Variants in CSMD3 observed in about 807,000 individuals in gnomAD.
The protein encoded by CSMD3 is CUB and Sushi multiple domains 3.
CSMD3 carries 177 observed loss-of-function variants against 435.2 expected under a neutral mutation model. That is an observed-to-expected ratio of 0.41 (90% confidence interval 0.36 to 0.46). The LOEUF is 0.46. Ranked by LOEUF, CSMD3 falls within the 20% of genes least tolerant of loss-of-function variation. The probability of loss-of-function intolerance (pLI) is 0.34; values close to 1 mark genes in which losing one functional copy is unlikely to be tolerated. For missense variants in CSMD3, 4,265 were observed against 4,504.6 expected (o/e 0.95, Z 1.52); for synonymous variants, 1,656 against 1,520.5 (o/e 1.09, Z -2.07).
intron 32 of CSMD3, among the ~76,000 whole-genome samples, chr8:112,442,418 T>C (rs1297644394): frequency 6.6e-6 from 1 of 152,184 alleles, no homozygotes; most frequent in East Asian, 1.9e-4. Flanking sequence ...AGCCTTGCAA[T>C]ATTGAATTTA....
intron 8 of CSMD3, among the ~76,000 whole-genome samples, chr8:112,949,612 A>C (rs866493695): frequency 6.6e-6 from 1 of 152,048 alleles, no homozygotes; most frequent in Non-Finnish European, 1.5e-5. Flanking sequence ...ATTGTCATCT[A>C]ATCTATCTAC....
chr8:112,706,599 T>C (rs972332879), intron 13 of CSMD3, among the ~76,000 whole-genome samples: 11 of 151,990 alleles, frequency 7.2e-5, no homozygotes, highest in Admixed American at 6.6e-4. Context: ...TTTGGAAAAA[T>C]TCAACAGCTC....
chr8:112,791,126 C>T (rs2078678212), intron 13 of CSMD3, among the ~76,000 whole-genome samples: 1 of 151,892 alleles, frequency 6.6e-6, no homozygotes, highest in Admixed American at 6.6e-5. Flanking sequence ...AGTTCGAGAC[C>T]AGCCTGGGCA....
intron 38 of CSMD3, among the ~76,000 whole-genome samples, chr8:112,376,374 AT>A (rs1461204033): frequency 6.6e-6 from 1 of 152,156 alleles, no homozygotes; most frequent in Non-Finnish European, 1.5e-5. Flanking sequence ...TTTGACATGT[AT>A]TTGCATTACA....
chr8:112,640,312 A>T (rs541775160), intron 20 of CSMD3, among the ~76,000 whole-genome samples: 3 of 152,258 alleles, frequency 2.0e-5, no homozygotes, highest in Admixed American at 2.0e-4. Context: ...CACCTAAAAA[A>T]TTACCAAAGT....
chr8:113,383,656 G>C (rs1342521405), intron 1 of CSMD3, among the ~76,000 whole-genome samples: 1 of 152,070 alleles, frequency 6.6e-6, no homozygotes, highest in Non-Finnish European at 1.5e-5. Context: ...GCACTAAGTA[G>C]TGATTTTAGG....
At chr8:112,398,944 T>C (rs1831084199) in intron 35 of CSMD3, among the ~76,000 whole-genome samples, 1 of 151,588 alleles carries the variant, frequency 6.6e-6, no homozygotes, top group African/African-American at 2.4e-5. Flanking sequence ...TAAGACAGAA[T>C]CTCGCTCTGT....
intron 3 of CSMD3, among the ~76,000 whole-genome samples, chr8:113,245,069 C>G (rs1415733619): frequency 6.6e-6 from 1 of 152,076 alleles, no homozygotes; most frequent in East Asian, 1.9e-4. Context: ...CGTCTTAAAG[C>G]TTATTAAGTC....
At chr8:113,128,786 A>T (rs537142971) in intron 4 of CSMD3, among the ~76,000 whole-genome samples, 1 of 152,202 alleles carries the variant, frequency 6.6e-6, no homozygotes, top group South Asian at 2.1e-4. Flanking sequence ...CTGTTTTCTT[A>T]CTTTCAAATT....
At chr8:112,880,735 T>C (rs767044444) in intron 10 of CSMD3, among the ~76,000 whole-genome samples, 4 of 151,920 alleles carry the variant, frequency 2.6e-5, no homozygotes, top group Non-Finnish European at 5.9e-5. Context: ...TGTTTTTTTG[T>C]CAAGCTAAGG....
intron 5 of CSMD3, among the ~76,000 whole-genome samples, chr8:113,082,403 T>A (rs1006794560): frequency 8.5e-5 from 13 of 152,132 alleles, no homozygotes; most frequent in Non-Finnish European, 1.8e-4. Context: ...AAGTAAATCA[T>A]ACAAAGATTA....
intron 10 of CSMD3, among the ~76,000 whole-genome samples, chr8:112,898,341 T>G (rs568497391): frequency 6.6e-6 from 1 of 151,360 alleles, no homozygotes; most frequent in East Asian, 2.0e-4. Context: ...TCTGTTGCTT[T>G]TGCATTCATA....
At chr8:113,233,138 A>G (rs942662563) in intron 3 of CSMD3, among the ~76,000 whole-genome samples, 17 of 151,858 alleles carry the variant, frequency 1.1e-4, no homozygotes, top group African/African-American at 3.9e-4. Context: ...ATAATAAAGT[A>G]TGTTAATTAA....
At chr8:112,394,991 T>C (rs1310967931) in intron 35 of CSMD3, among the ~76,000 whole-genome samples, 1 of 152,232 alleles carries the variant, frequency 6.6e-6, no homozygotes, top group Non-Finnish European at 1.5e-5. Context: ...CATTCCTGCA[T>C]CATTCCTGTC....
Position 113,349,128 on chromosome 8 carries a change from T to C in CSMD3, c.179-34335A>G, listed in dbSNP as rs1161139478. On this transcript the variant is annotated intron_variant, in intron 1 of 70. Transcript: ENST00000297405. ...CCTCACAGCTAAAAACTGTTGTCTG[T>C]GGTGGAGAGAATTCCTTAGTGCCCT... Among the ~76,000 whole-genome samples the C allele has an allele frequency of 2.0e-5, 3 of 152,226 alleles. No homozygotes were observed. In the East Asian group the frequency reaches 5.8e-4, roughly 29 times the overall value.
rs76486699 is a variant in CSMD3, at chr8:112,854,021, G to A, written c.1755+5124C>T. Among the ~76,000 whole-genome samples, 468 of 152,218 alleles carry A rather than the reference G, an allele frequency of 3.1e-3. 4 individuals are homozygous for A. The East Asian group carries it at 0.042, about 14-fold the overall frequency. The stretch of plus-strand genomic sequence containing the variant: ...AGACTGTTTTTACTGCAAGCTCTTA[G>A]GTTCTGGTAATACCACAGTTTTTAC... On this transcript the variant is annotated intron_variant, in intron 11 of 70. Coordinates refer to ENST00000297405, the MANE Select transcript of CSMD3 (RefSeq NM_198123.2).
rs758091720 is a variant in CSMD3, at chr8:112,556,715, TA to T, written c.4234+47del. On this transcript the variant is annotated intron_variant, in intron 25 of 70. Coordinates refer to ENST00000297405, the MANE Select transcript of CSMD3 (RefSeq NM_198123.2). ...TTTCTTAAAAATGCAAAGAATTTGA[TA>T]AAGTTTTCACAGAAATATTCAATGA... The T allele has an allele frequency of 2.0e-6, 3 of 1,475,252 alleles. No homozygotes were observed. In the Admixed American group the frequency reaches 5.1e-5, roughly 25 times the overall value. 91.4% of individuals were successfully genotyped at this position (1,475,252 alleles called of 1,614,324 possible). A position where few individuals can be genotyped will look rare whatever the true frequency, so the allele number is the denominator to read the frequency against.
intron 32 of CSMD3, among the ~76,000 whole-genome samples, chr8:112,421,764 A>G (rs546668270): frequency 6.9e-4 from 103 of 150,356 alleles, no homozygotes; most frequent in African/African-American, 2.5e-3. Flanking sequence ...CTCCTGGTAG[A>G]AATTGAGAAA....
At chr8:112,910,373 C>T (rs2082374361) in intron 10 of CSMD3, among the ~76,000 whole-genome samples, 1 of 151,746 alleles carries the variant, frequency 6.6e-6, no homozygotes, top group Non-Finnish European at 1.5e-5. Context: ...TTTCTTCCTT[C>T]CTCAGATAAC....
Sources: allele counts gnomAD v4.1 joint callset (sites outside exome capture counted in the v4.1 genomes callset), GRCh38; gene constraint gnomAD v4.1.1; transcripts MANE v1.5; gene names NCBI Gene and HGNC (gene_info 2026-07-23, HGNC 2026-07-21).